The following EPHA6 variants were observed in gnomAD, a reference collection of about 807,000 sequenced individuals.
EPHA6 encodes ephrin type-A receptor 6.
In EPHA6, 50 loss-of-function variants were observed where a neutral mutation model predicts 112.0. The ratio of observed to expected loss-of-function variants is 0.45; its 90% CI spans 0.36 to 0.56. The LOEUF (loss-of-function observed/expected upper bound fraction) is 0.56. Ranked by LOEUF, EPHA6 falls within the 20% of genes least tolerant of loss-of-function variation. EPHA6 has a pLI of 0.00. For missense variants in EPHA6, 1,280 were observed against 1,417.4 expected, an observed-to-expected ratio of 0.90 and a Z score of 1.56; for synonymous variants, 529 against 490.7, an observed-to-expected ratio of 1.08 and a Z score of -1.03.
intron 13 of EPHA6, among the ~76,000 whole-genome samples, chr3:97,627,084 A>G (rs899043293): frequency 5.3e-5 from 8 of 151,894 alleles, no homozygotes; most frequent in Admixed American, 5.3e-4. Flanking sequence ...AGTTATTACC[A>G]CTATCCTCAT....
intron 11 of EPHA6, among the ~76,000 whole-genome samples, chr3:97,562,253 A>C (rs1467841433): frequency 6.6e-6 from 1 of 152,174 alleles, no homozygotes; most frequent in Non-Finnish European, 1.5e-5. Flanking sequence ...TCTCTGATGG[A>C]TCTGGATAAA....
chr3:97,736,478 T>A (rs1452623758), intron 16 of EPHA6, among the ~76,000 whole-genome samples: 1 of 150,144 alleles, frequency 6.7e-6, no homozygotes, highest in Non-Finnish European at 1.5e-5. Context: ...AGAGTGTGTG[T>A]GTGTGTGTGT....
intron 3 of EPHA6, among the ~76,000 whole-genome samples, chr3:97,032,234 G>C (rs2044884252): frequency 6.6e-6 from 1 of 152,060 alleles, no homozygotes; most frequent in Non-Finnish European, 1.5e-5. Flanking sequence ...ACTCATAGGT[G>C]GGAATTGAAC....
chr3:97,102,941 C>A (rs1426224025), intron 3 of EPHA6, among the ~76,000 whole-genome samples: 1 of 151,966 alleles, frequency 6.6e-6, no homozygotes, highest in East Asian at 1.9e-4. Context: ...TGAAAAGTAT[C>A]TGTTTATTTA....
At chr3:96,886,186 A>G (rs2037608361) in intron 2 of EPHA6, among the ~76,000 whole-genome samples, 1 of 152,158 alleles carries the variant, frequency 6.6e-6, no homozygotes, top group Non-Finnish European at 1.5e-5. Flanking sequence ...TATCTGCTAA[A>G]TCCATTTGTT....
chr3:96,951,954 T>G (rs1160156713), intron 2 of EPHA6, among the ~76,000 whole-genome samples: 1 of 152,136 alleles, frequency 6.6e-6, no homozygotes, highest in Non-Finnish European at 1.5e-5. Flanking sequence ...AGGAGTTGAC[T>G]TACTGTTTCT....
At chr3:97,667,257 C>A (rs762494653) in intron 14 of EPHA6, among the ~76,000 whole-genome samples, 7 of 152,184 alleles carry the variant, frequency 4.6e-5, no homozygotes, top group Non-Finnish European at 1.0e-4. Flanking sequence ...TTATAGATAT[C>A]TCCCACTTTC....
At chr3:97,625,696 CTTATG>C (rs1436110534) in intron 13 of EPHA6, among the ~76,000 whole-genome samples, 1 of 151,450 alleles carries the variant, frequency 6.6e-6, no homozygotes, top group Non-Finnish European at 1.5e-5. Flanking sequence ...TCTGTTGTTA[CTTATG>C]TTAATGTTTG....
chr3:96,993,485 G>A (rs984032840), intron 3 of EPHA6, among the ~76,000 whole-genome samples: 27 of 151,834 alleles, frequency 1.8e-4, no homozygotes, highest in African/African-American at 6.3e-4. Context: ...TGCCTGCCTC[G>A]GCCTCCCAAA....
intron 2 of EPHA6, among the ~76,000 whole-genome samples, chr3:96,943,182 G>T (rs2107694180): frequency 6.6e-6 from 1 of 151,996 alleles, no homozygotes; most frequent in Non-Finnish European, 1.5e-5. Flanking sequence ...TTTTATGTCT[G>T]AATAATATTC....
chr3:97,645,584 G>A (rs1221282061), intron 14 of EPHA6, among the ~76,000 whole-genome samples: 1 of 151,086 alleles, frequency 6.6e-6, no homozygotes, highest in African/African-American at 2.4e-5. Flanking sequence ...GTTAGTGGGT[G>A]CAGTGCACCA....
intron 3 of EPHA6, among the ~76,000 whole-genome samples, chr3:97,217,939 G>A (rs2078077732): frequency 6.6e-6 from 1 of 152,112 alleles, no homozygotes; most frequent in African/African-American, 2.4e-5. Flanking sequence ...TGAAGTCTGA[G>A]TCAAAAATCT....
At chr3:97,627,862 C>A (rs930746893) in intron 13 of EPHA6, among the ~76,000 whole-genome samples, 7 of 151,814 alleles carry the variant, frequency 4.6e-5, no homozygotes, top group Non-Finnish European at 8.8e-5. Flanking sequence ...TACCCCAGAC[C>A]AATGAAATCA....
chr3:97,265,655 C>T (rs1002180044), intron 5 of EPHA6, among the ~76,000 whole-genome samples: 1 of 152,208 alleles, frequency 6.6e-6, no homozygotes, highest in African/African-American at 2.4e-5. Context: ...GGTCCTCTGC[C>T]TGGGAGGGTG....
chr3:97,138,553 G>T (rs535421242), intron 3 of EPHA6, among the ~76,000 whole-genome samples: 1 of 152,180 alleles, frequency 6.6e-6, no homozygotes, highest in African/African-American at 2.4e-5. Context: ...TTTAGTGGTG[G>T]CCTAGGAGTA....
chr3:97,729,787 G>A (rs2034953750), intron 15 of EPHA6, among the ~76,000 whole-genome samples: 1 of 150,234 alleles, frequency 6.7e-6, no homozygotes, highest in Non-Finnish European at 1.5e-5. Context: ...CAGTGTTATT[G>A]TATTATGAAT....
At position 96,879,209 on chromosome 3, in the gene EPHA6, A is replaced by G. The variant is rs374551033; in HGVS notation, c.450+12320A>G. Among the ~76,000 whole-genome samples, 127 of 152,214 alleles carry G rather than the reference A, an allele frequency of 8.3e-4. 1 individual carries two copies. The highest frequency in any genetic ancestry group is 2.9e-3 in the African/African-American group (121 of 41,576). On this transcript the variant is annotated intron_variant, in intron 2 of 17. Transcript: ENST00000389672. The stretch of plus-strand genomic sequence containing the variant: ...ATTTCACTAAAGATCCATTTCTAGC[A>G]TTTTGCCTTTGTTTATAAACGTAAT...
intron 2 of EPHA6, among the ~76,000 whole-genome samples, chr3:96,881,872 G>A (rs1431011247): frequency 6.6e-6 from 1 of 152,186 alleles, no homozygotes; most frequent in Non-Finnish European, 1.5e-5. Context: ...AAATCCAGCA[G>A]GGCAGTCAAA....
At chr3:97,180,178 C>T (rs1576629129) in intron 3 of EPHA6, among the ~76,000 whole-genome samples, 3 of 152,050 alleles carry the variant, frequency 2.0e-5, no homozygotes. Flanking sequence ...ACCAGCAGTT[C>T]AGGCCACAAG....
Sources: allele counts gnomAD v4.1 joint callset (sites outside exome capture counted in the v4.1 genomes callset), GRCh38; gene constraint gnomAD v4.1.1; transcripts MANE v1.5; gene names NCBI Gene and HGNC (gene_info 2026-07-23, HGNC 2026-07-21).